The following ACOT12 variants were observed in gnomAD, a reference collection of about 807,000 sequenced individuals.
ACOT12 encodes the protein acyl-CoA thioesterase 12.
ACOT12 carries 51 observed loss-of-function variants against 67.7 expected under a neutral mutation model. That is an observed-to-expected ratio of 0.75 (90% confidence interval 0.60 to 0.95). The LOEUF is 0.95. Ranked by LOEUF, ACOT12 falls within the 40% of genes least tolerant of loss-of-function variation. The pLI is 0.00. For synonymous variants in ACOT12, 251 were observed against 244.6 expected, an observed-to-expected ratio of 1.03 and a Z score of -0.24; for missense variants, 734 against 708.1, an observed-to-expected ratio of 1.04 and a Z score of -0.41.
In ACOT12 at chr5:81,345,894, A is replaced by C. The variant is rs767676675; in HGVS notation, c.764T>G (p.Phe255Cys). 1.9e-6 allele frequency: 3 copies of C among 1,613,842 alleles called. No individual in the cohort carries two copies. The part of the protein sequence containing the change: ...LVFTAIVNNT[F>C]QTCVEVGVRV... ...TAAGGGCTCACTTTACCAGGTCTGA[A>C]ATGTATTGTTGACAATGGCAGTGAA... is the stretch of plus-strand genomic sequence containing the variant. The change falls in exon 7 of 15, where the codon TTT (phenylalanine) becomes TGT (cysteine). Residue 255 changes from phenylalanine to cysteine, a missense_variant. Coordinates refer to ENST00000307624, the MANE Select transcript of ACOT12 (RefSeq NM_130767.3).
rs1016245418 is a variant in ACOT12, at chr5:81,345,923, A to G, written c.735T>C (p.Leu245=). 6.2e-7 allele frequency: 1 copy of G among 1,613,962 alleles called. No individual in the cohort carries two copies. The highest frequency in any genetic ancestry group is 8.5e-7 in the Non-Finnish European group (1 of 1,179,966). ...FRGPSTVGDR[L]VFTAIVNNTF... ...TATTGTTGACAATGGCAGTGAAGAC[A>G]AGACGATCTCCAACTGTAGATGGTC... Residue 245 remains leucine (L), a synonymous_variant, in exon 7 of 15, where the codon CTT becomes CTC. Coordinates refer to ENST00000307624, the MANE Select transcript of ACOT12 (RefSeq NM_130767.3).
At chr5:81,373,435 G>C (rs1008308725) in intron 2 of ACOT12, among the ~76,000 whole-genome samples, 2 of 152,214 alleles carry the variant, frequency 1.3e-5, no homozygotes, top group African/African-American at 4.8e-5. Context: ...CACAAAACTG[G>C]GCGGCCATTT....
At chr5:81,319,936 TA>T in the ACOT12 span, among the ~76,000 whole-genome samples, 1 of 150,740 alleles carries the variant, frequency 6.6e-6, no homozygotes, top group Non-Finnish European at 1.5e-5. Context: ...ATATGGAGAA[TA>T]AATTGTAGGA....
intron 4 of ACOT12, among the ~76,000 whole-genome samples, chr5:81,361,091 A>AG (rs1759892314): frequency 6.7e-6 from 1 of 150,138 alleles, no homozygotes; most frequent in Admixed American, 6.6e-5. Flanking sequence ...AAAAAAAAAA[A>AG]AAAAAAAAGA....
intron 3 of ACOT12, among the ~76,000 whole-genome samples, chr5:81,369,775 T>G (rs1760190689): frequency 6.6e-6 from 1 of 152,144 alleles, no homozygotes; most frequent in African/African-American, 2.4e-5. Flanking sequence ...AAAGGAGGTT[T>G]TATCTATATT....
At chr5:81,346,075 A>G in intron 6 of ACOT12, 71 bp from the exon 7 acceptor site, 1 of 1,583,426 alleles carries the variant, frequency 6.3e-7, no homozygotes, top group East Asian at 2.3e-5. Flanking sequence ...TGCACAGACA[A>G]GTCTTCAAAT....
intron 2 of ACOT12, among the ~76,000 whole-genome samples, chr5:81,383,904 C>T (rs955853484): frequency 4.6e-5 from 7 of 151,794 alleles, no homozygotes; most frequent in Non-Finnish European, 7.4e-5. Flanking sequence ...AAAAAAGTTA[C>T]AATAATCTAA....
chr5:81,382,458 G>A (rs1342846071), intron 2 of ACOT12, among the ~76,000 whole-genome samples: 1 of 152,200 alleles, frequency 6.6e-6, no homozygotes, highest in African/African-American at 2.4e-5. Flanking sequence ...TTAAACTGAA[G>A]AAGCTCCCAC....
the ACOT12 span, chr5:81,308,915 T>A: frequency 6.3e-7 from 1 of 1,583,072 alleles, no homozygotes; most frequent in Non-Finnish European, 8.6e-7. Flanking sequence ...ATATGTATTG[T>A]CAACTGAATA....
intron 1 of ACOT12, among the ~76,000 whole-genome samples, chr5:81,389,748 A>C (rs1052364198): frequency 6.6e-6 from 1 of 151,890 alleles, no homozygotes. Context: ...GCTGGTCTTG[A>C]ACTTCTGACC....
chr5:81,391,474 C>T (rs1760863913), intron 1 of ACOT12, among the ~76,000 whole-genome samples: 1 of 152,182 alleles, frequency 6.6e-6, no homozygotes, highest in Admixed American at 6.5e-5. Flanking sequence ...TTTCACCTGC[C>T]TTAAGTCTCT....
At chr5:81,332,673 G>C in intron 12 of ACOT12, 68 bp from the exon 13 acceptor site, 1 of 1,579,574 alleles carries the variant, frequency 6.3e-7, no homozygotes, top group Non-Finnish European at 8.7e-7. Flanking sequence ...TCCCTTATTT[G>C]CTTACATAAT....
the ACOT12 span, among the ~76,000 whole-genome samples, chr5:81,318,187 A>G: frequency 6.6e-6 from 1 of 152,082 alleles, no homozygotes; most frequent in Non-Finnish European, 1.5e-5. Context: ...CTGGCCCATA[A>G]TTCAATTTTA....
rs145510462 is a variant in ACOT12 at position 81,341,999 on chromosome 5, A to T, written c.1128+673T>A. 4.4e-3 allele frequency among the ~76,000 whole-genome samples: 672 copies of T among 151,814 alleles called. 10 individuals are homozygous for T. Among genetic ancestry groups the T allele is most frequent in the African/African-American group, 0.015 (626 of 41,302 alleles). On this transcript the variant is annotated intron_variant, in intron 11 of 14. Transcript: ENST00000307624. ...TAATTGACCAATTATTTATTTATTT[A>T]TTTTTTTTAGAGACAGAGTCTTGCT... is the stretch of plus-strand genomic sequence containing the variant.
chr5:81,361,077 C>CAAAAAAAAAAAAA lies in ACOT12; in HGVS notation c.361-1052_361-1040dup, dbSNP rs71000820. Among the ~76,000 whole-genome samples, 214 of 52,618 alleles carry CAAAAAAAAAAAAA rather than the reference C, an allele frequency of 4.1e-3. 4 individuals carry two copies. The highest frequency in any genetic ancestry group is 5.9e-3 in the Non-Finnish European group (172 of 29,140). The allele number at this position is 52,618 out of a possible 152,430, so 34.5% of individuals were successfully genotyped here. A position where few individuals can be genotyped will look rare whatever the true frequency, so the allele number is the denominator to read the frequency against. ...TGGGAGACAGAGTGAGACTCCATCT[C>CAAAAAAAAAAAAA]AAAAAAAAAAAAAAAAAAAAAAGAA... On this transcript the variant is annotated intron_variant, in intron 4 of 14. Transcript: ENST00000307624.
chr5:81,314,924 G>A, the ACOT12 span, among the ~76,000 whole-genome samples: 7 of 152,212 alleles, frequency 4.6e-5, no homozygotes, highest in Non-Finnish European at 8.8e-5. Flanking sequence ...CGATCCTCCC[G>A]CCTCAGCCTC....
chr5:81,364,214 CATATATG>C (rs1272744933), intron 3 of ACOT12, among the ~76,000 whole-genome samples: 1 of 150,466 alleles, frequency 6.6e-6, no homozygotes, highest in African/African-American at 2.4e-5. Context: ...TTCTATATAT[CATATATG>C]ATATATAAGT....
the ACOT12 span, among the ~76,000 whole-genome samples, chr5:81,309,745 C>T: frequency 6.6e-6 from 1 of 152,148 alleles, no homozygotes; most frequent in Admixed American, 6.6e-5. Context: ...GGCCAACTAC[C>T]AAACTCTGAT....
chr5:81,333,742 C>T (rs1758904212), intron 12 of ACOT12, among the ~76,000 whole-genome samples: 1 of 152,058 alleles, frequency 6.6e-6, no homozygotes, highest in Non-Finnish European at 1.5e-5. Flanking sequence ...ATTATGATAG[C>T]ATTAACCACG....
Sources: gnomAD v4.1 joint callset for allele counts (sites outside exome capture counted in the v4.1 genomes callset) on GRCh38, gnomAD v4.1.1 for gene constraint, MANE v1.5 for transcripts, NCBI Gene and HGNC (gene_info 2026-07-23, HGNC 2026-07-21) for gene names.